SLC24A3: variants seen among roughly 807,000 people sequenced by gnomAD.
The protein encoded by SLC24A3 is sodium/potassium/calcium exchanger 3.
SLC24A3 carries 28 observed loss-of-function variants against 75.8 expected under a neutral mutation model. That is an observed-to-expected ratio of 0.37 (90% confidence interval 0.27 to 0.51). The LOEUF is 0.51. Among genes scored for constraint, SLC24A3 ranks in the 20% least tolerant of loss-of-function variants. SLC24A3 has a pLI of 0.94. For missense variants in SLC24A3, 663 were observed against 847.8 expected (o/e 0.78, Z 2.71); for synonymous variants, 372 against 334.1 (o/e 1.11, Z -1.24).
chr20:19,531,601 AAACT>A (rs1466572002), intron 3 of SLC24A3, among the ~76,000 whole-genome samples: 1 of 152,228 alleles, frequency 6.6e-6, no homozygotes, highest in Non-Finnish European at 1.5e-5. Flanking sequence ...CCAAGGAAAC[AAACT>A]GTTTGTATTG....
At chr20:19,346,200 G>A (rs1391477812) in intron 2 of SLC24A3, among the ~76,000 whole-genome samples, 1 of 74,938 alleles carries the variant, frequency 1.3e-5, no homozygotes, top group Non-Finnish European at 2.4e-5. Flanking sequence ...ATATATATAT[G>A]GTATATATAT....
chr20:19,365,685 A>C (rs1405422996), intron 2 of SLC24A3, among the ~76,000 whole-genome samples: 1 of 152,232 alleles, frequency 6.6e-6, no homozygotes, highest in Non-Finnish European at 1.5e-5. Flanking sequence ...AAGAGTGAGT[A>C]AATGTCTATG....
At chr20:19,394,992 TAAAC>T (rs967051177) in intron 2 of SLC24A3, among the ~76,000 whole-genome samples, 2 of 152,198 alleles carry the variant, frequency 1.3e-5, no homozygotes, top group African/African-American at 2.4e-5. Context: ...GATGAATAGA[TAAAC>T]AAAATGTGGC....
chr20:19,514,339 C>T (rs1166802246), intron 2 of SLC24A3, among the ~76,000 whole-genome samples: 3 of 152,234 alleles, frequency 2.0e-5, no homozygotes, highest in African/African-American at 7.2e-5. Flanking sequence ...AGCTCCACAT[C>T]CTTGTCGGAG....
Position 19,334,380 on chromosome 20 carries a change from AAT to A in SLC24A3, c.271+53295_271+53296del, listed in dbSNP as rs1266911436. 4.2e-4 allele frequency among the ~76,000 whole-genome samples: 62 copies of A among 145,914 alleles called. No individual in the cohort carries two copies. In the East Asian group the frequency reaches 5.6e-3, roughly 13 times the overall value. On this transcript the variant is annotated intron_variant, in intron 2 of 16. Coordinates refer to ENST00000328041, the MANE Select transcript of SLC24A3 (RefSeq NM_020689.4). The stretch of plus-strand genomic sequence containing the variant: ...TGAGAAATATCAACACAGTAAAAAA[AAT>A]AAAGAGTGCTATGAAGCATACAAAA...
At chr20:19,430,868 A>C (rs564377580) in intron 2 of SLC24A3, among the ~76,000 whole-genome samples, 1 of 152,134 alleles carries the variant, frequency 6.6e-6, no homozygotes, top group Non-Finnish European at 1.5e-5. Flanking sequence ...ATGCACACAC[A>C]TACGCAGACA....
intron 15 of SLC24A3, among the ~76,000 whole-genome samples, chr20:19,710,053 C>T (rs550803454): frequency 1.3e-5 from 2 of 152,310 alleles, no homozygotes; most frequent in East Asian, 3.9e-4. Context: ...AAAGCCACAG[C>T]TGGGAACATC....
chr20:19,698,771 A>T, intron 15 of SLC24A3, 91 bp downstream of exon 15: 2 of 956,792 alleles, frequency 2.1e-6, no homozygotes, highest in Admixed American at 2.2e-5. Flanking sequence ...GTCTCGGGGA[A>T]AAAGGGGTGT....
chr20:19,296,652 G>A (rs1049010855), intron 2 of SLC24A3, among the ~76,000 whole-genome samples: 12 of 152,226 alleles, frequency 7.9e-5, no homozygotes, highest in African/African-American at 2.6e-4. Flanking sequence ...ATAATAGTGG[G>A]AAACTTTAAT....
intron 6 of SLC24A3, among the ~76,000 whole-genome samples, chr20:19,601,412 T>C (rs149062980): frequency 1.3e-5 from 2 of 152,266 alleles, no homozygotes; most frequent in African/African-American, 2.4e-5. Context: ...ATTCCCTTTA[T>C]GTGGGGATCC....
intron 3 of SLC24A3, among the ~76,000 whole-genome samples, chr20:19,526,972 T>C (rs2030209629): frequency 6.6e-6 from 1 of 152,204 alleles, no homozygotes; most frequent in African/African-American, 2.4e-5. Context: ...GTGATGACTA[T>C]GTTTGCAGTC....
intron 2 of SLC24A3, among the ~76,000 whole-genome samples, chr20:19,370,875 T>C (rs1316173302): frequency 6.6e-6 from 1 of 152,146 alleles, no homozygotes; most frequent in Non-Finnish European, 1.5e-5. Context: ...TTAGACCGGC[T>C]CTGGGCTGTC....
Position 19,536,638 on chromosome 20 carries a change from G to C in SLC24A3, c.348+21074G>C, listed in dbSNP as rs531562925. Reference sequence around the variant, plus strand: ...TGACTTCAAACTATACTACAAGGCTGCAGTAACCAAAACAGCATGGGACTG... The same window carrying C: ...TGACTTCAAACTATACTACAAGGCTCCAGTAACCAAAACAGCATGGGACTG... On this transcript the variant is annotated intron_variant, in intron 3 of 16. Coordinates refer to ENST00000328041, the MANE Select transcript of SLC24A3 (RefSeq NM_020689.4). Among the ~76,000 whole-genome samples, 16 of 152,278 alleles carry C rather than the reference G, an allele frequency of 1.1e-4. No individual in the cohort carries two copies. In the East Asian group the frequency reaches 3.1e-3, roughly 29 times the overall value.
intron 2 of SLC24A3, among the ~76,000 whole-genome samples, chr20:19,332,948 C>A (rs1555788391): frequency 1.3e-5 from 2 of 152,288 alleles, no homozygotes; most frequent in African/African-American, 4.8e-5. Context: ...CTGGTTTTGT[C>A]TCCTCCCAGG....
At chr20:19,711,679 C>T (rs1039889506) in intron 15 of SLC24A3, among the ~76,000 whole-genome samples, 3 of 152,026 alleles carry the variant, frequency 2.0e-5, no homozygotes, top group Admixed American at 6.6e-5. Context: ...TTCACTCTGT[C>T]GCCAGGCTGG....
chr20:19,701,500 C>T (rs886553498), intron 15 of SLC24A3, among the ~76,000 whole-genome samples: 2 of 152,182 alleles, frequency 1.3e-5, no homozygotes, highest in Non-Finnish European at 2.9e-5. Context: ...CTCAAACTTG[C>T]ATATCATGGT....
intron 6 of SLC24A3, among the ~76,000 whole-genome samples, chr20:19,620,381 C>T (rs2031788250): frequency 6.6e-6 from 1 of 152,278 alleles, no homozygotes; most frequent in Non-Finnish European, 1.5e-5. Context: ...AAATTCAAGG[C>T]TCTTTCAAAA....
chr20:19,258,633 C>T (rs966067214), intron 1 of SLC24A3, among the ~76,000 whole-genome samples: 3 of 152,142 alleles, frequency 2.0e-5, no homozygotes, highest in Non-Finnish European at 2.9e-5. Flanking sequence ...ATCCAGGAGG[C>T]GGAAGTTGCA....
At chr20:19,320,851 A>G (rs1245012099) in intron 2 of SLC24A3, among the ~76,000 whole-genome samples, 5 of 152,036 alleles carry the variant, frequency 3.3e-5, no homozygotes, top group Non-Finnish European at 5.9e-5. Context: ...TACAGATGCA[A>G]TTTTTAAGAT....
Sources: gnomAD v4.1 joint callset for allele counts (sites outside exome capture counted in the v4.1 genomes callset) on GRCh38, gnomAD v4.1.1 for gene constraint, MANE v1.5 for transcripts, NCBI Gene and HGNC (gene_info 2026-07-23, HGNC 2026-07-21) for gene names.